The following EFEMP1 variants were observed in gnomAD, a reference collection of about 807,000 sequenced individuals.
EFEMP1 encodes EGF-like fibulin extracellular matrix protein 1.
In EFEMP1, 18 loss-of-function variants were observed where a neutral mutation model predicts 65.7. The ratio of observed to expected loss-of-function variants is 0.27; its 90% confidence interval spans 0.19 to 0.41. The LOEUF (loss-of-function observed/expected upper bound fraction) is 0.41. EFEMP1 is among the 10% of genes least tolerant of loss of function. The pLI is 1.00. For synonymous variants in EFEMP1, 237 were observed against 219.7 expected, an observed-to-expected ratio of 1.08 and a Z score of -0.70; for missense variants, 469 against 624.8, an observed-to-expected ratio of 0.75 and a Z score of 2.66.
At position 55,897,597 on chromosome 2, in the gene EFEMP1, A is replaced by G. The variant is rs184694940; in HGVS notation, c.518-15863T>C. Among the ~76,000 whole-genome samples, 3 of 152,336 alleles carry G rather than the reference A, an allele frequency of 2.0e-5. No homozygotes were observed. The East Asian group carries it at 5.8e-4, about 29-fold the overall frequency. ...AAAAAAGTCAAGACTTAGTGAAGTG[A>G]GATCGAAATCCAGTTAAAATTCTTT... On this transcript the variant is annotated intron_variant, in intron 5 of 11. Transcript: ENST00000355426.
At chr2:55,895,367 C>T (rs2104414992) in intron 5 of EFEMP1, among the ~76,000 whole-genome samples, 1 of 152,302 alleles carries the variant, frequency 6.6e-6, no homozygotes, top group East Asian at 1.9e-4. Flanking sequence ...ATCAGCCTGG[C>T]CACCTACTGC....
chr2:55,889,919 GA>G (rs1235155778), intron 5 of EFEMP1, among the ~76,000 whole-genome samples: 4 of 151,408 alleles, frequency 2.6e-5, no homozygotes, highest in Non-Finnish European at 5.9e-5. Flanking sequence ...AAAACAAAAG[GA>G]AACTAAAATG....
intron 3 of EFEMP1, among the ~76,000 whole-genome samples, chr2:55,920,229 A>G (rs115412521): frequency 0.02 from 2,994 of 152,310 alleles, 55 homozygotes; most frequent in South Asian, 0.097. Context: ...TCCTTCAAGA[A>G]CCAGCACAGA....
chr2:55,887,657 C>A (rs1027849397), intron 5 of EFEMP1, among the ~76,000 whole-genome samples: 1 of 152,142 alleles, frequency 6.6e-6, no homozygotes, highest in Admixed American at 6.5e-5. Flanking sequence ...CTGTCTTAAT[C>A]GATGGCCAGC....
At chr2:55,892,602 C>A (rs1669671724) in intron 5 of EFEMP1, among the ~76,000 whole-genome samples, 1 of 152,100 alleles carries the variant, frequency 6.6e-6, no homozygotes, top group Non-Finnish European at 1.5e-5. Flanking sequence ...AAATACACTA[C>A]TGTGTTCCTA....
chr2:55,900,605 C>A (rs1037455185), intron 5 of EFEMP1, among the ~76,000 whole-genome samples: 18 of 152,246 alleles, frequency 1.2e-4, no homozygotes, highest in Non-Finnish European at 2.4e-4. Flanking sequence ...ACCAAAAAAA[C>A]CCAAAACTTT....
intron 5 of EFEMP1, among the ~76,000 whole-genome samples, chr2:55,914,507 T>C (rs1184296499): frequency 6.6e-6 from 1 of 152,204 alleles, no homozygotes; most frequent in African/African-American, 2.4e-5. Flanking sequence ...AAATATCTAG[T>C]GGTATTATTT....
intron 5 of EFEMP1, among the ~76,000 whole-genome samples, chr2:55,887,989 G>A (rs1669485941): frequency 6.6e-6 from 1 of 152,188 alleles, no homozygotes; most frequent in South Asian, 2.1e-4. Context: ...GGACAACAGT[G>A]TTCATTTGCC....
chr2:55,874,273 C>G (rs530958549), intron 9 of EFEMP1, among the ~76,000 whole-genome samples: 1 of 150,334 alleles, frequency 6.7e-6, no homozygotes, highest in African/African-American at 2.4e-5. Context: ...AGTCCTTTCC[C>G]TGTTAAGAAA....
rs369629631 is a variant in EFEMP1 at position 55,881,615 on chromosome 2, C to T, written c.637G>A (p.Val213Ile). The stretch of plus-strand genomic sequence containing the variant: ...CTCACTGCACTGTGGTACTTACCTA[C>T]GCACTGCTCCCCTCGCTTCTGATAT... ...PGYQKRGEQC[V>I]DIDECTIPPY... Residue 213 changes from valine to isoleucine, a missense_variant, in exon 6 of 12, where the codon GTA becomes ATA. This residue lies in a region of EFEMP1 where 399 missense variants were observed against 528.2 expected (regional missense o/e 0.76). Coordinates refer to ENST00000355426, the MANE Select transcript of EFEMP1 (RefSeq NM_001039348.3). 40 of 1,613,628 alleles carry T rather than the reference C, an allele frequency of 2.5e-5. No individual in the cohort carries two copies. The African/African-American group carries it at 2.7e-4, about 11-fold the overall frequency.
Position 55,917,409 on chromosome 2 carries a change from A to G in EFEMP1, c.517+256T>C, listed in dbSNP as rs892745524. The stretch of plus-strand genomic sequence containing the variant: ...CATCGAGAAGTTTTAAAGGTTCCCA[A>G]GTGACTCTAAATATGGGCAGCTAGG... On this transcript the variant is annotated intron_variant, in intron 5 of 11. Transcript: ENST00000355426. The surrounding 1 kb of genome is among the most constrained non-coding windows in gnomAD (Gnocchi z 6.3). Among the ~76,000 whole-genome samples, 3 of 152,190 alleles carry G rather than the reference A, an allele frequency of 2.0e-5. No individual in the cohort carries two copies. The highest frequency in any genetic ancestry group is 7.2e-5 in the African/African-American group (3 of 41,442).
In EFEMP1 at chr2:55,922,195, G is replaced by A. The variant is rs989687592; in HGVS notation, c.81+165C>T. Reference sequence around the variant, plus strand: ...CAATGAACTTTTGAAAGGATCAAGGGGGCAATTTACAACGAATCTTAGATA... The same window carrying A: ...CAATGAACTTTTGAAAGGATCAAGGAGGCAATTTACAACGAATCTTAGATA... On this transcript the variant is annotated intron_variant, in intron 3 of 11. Coordinates refer to ENST00000355426, the MANE Select transcript of EFEMP1 (RefSeq NM_001039348.3). This position sits in a 1 kb window ranked among gnomAD's most constrained non-coding sequence, Gnocchi z 5.5. 1.0e-5 allele frequency: 7 copies of A among 694,520 alleles called. No individual in the cohort carries two copies. Among genetic ancestry groups the A allele is most frequent in the Non-Finnish European group, 1.8e-5 (7 of 392,348 alleles). The allele number at this position is 694,520 out of a possible 1,614,324, so 43.0% of individuals were successfully genotyped here. A position where few individuals can be genotyped will look rare whatever the true frequency, so the allele number is the denominator to read the frequency against.
chr2:55,903,626 G>A lies in EFEMP1; in HGVS notation c.517+14039C>T, dbSNP rs1018381677. On this transcript the variant is annotated intron_variant, in intron 5 of 11. Coordinates refer to ENST00000355426, the MANE Select transcript of EFEMP1 (RefSeq NM_001039348.3). ...ACTAATCTATAATGCATAACACACA[G>A]GAGATTCTAAAAAACATATTAAACA... 7.9e-5 allele frequency among the ~76,000 whole-genome samples: 12 copies of A among 152,070 alleles called. 1 individual carries two copies. The highest frequency in any genetic ancestry group is 5.9e-4 in the Admixed American group (9 of 15,276).
intron 5 of EFEMP1, among the ~76,000 whole-genome samples, chr2:55,898,842 G>T (rs1669931163): frequency 6.6e-6 from 1 of 152,136 alleles, no homozygotes; most frequent in South Asian, 2.1e-4. Flanking sequence ...GTGACACTGG[G>T]ACTGGGGTGG....
At chr2:55,896,454 C>G (rs545350050) in intron 5 of EFEMP1, among the ~76,000 whole-genome samples, 1 of 152,142 alleles carries the variant, frequency 6.6e-6, no homozygotes, top group Non-Finnish European at 1.5e-5. Context: ...TGGCCTGAAA[C>G]GATGCATTAC....
At chr2:55,878,779 A>G (rs184290163) in intron 6 of EFEMP1, among the ~76,000 whole-genome samples, 188 of 152,294 alleles carry the variant, frequency 1.2e-3, no homozygotes, top group African/African-American at 4.3e-3. Context: ...TGTTCTGGCA[A>G]TTACTAGCTT....
chr2:55,901,974 G>A (rs1017609088), intron 5 of EFEMP1, among the ~76,000 whole-genome samples: 1 of 152,158 alleles, frequency 6.6e-6, no homozygotes, highest in Non-Finnish European at 1.5e-5. Flanking sequence ...AGAAACAGAG[G>A]CAGGAAGTCA....
intron 5 of EFEMP1, among the ~76,000 whole-genome samples, chr2:55,916,317 C>G (rs999137371): frequency 3.9e-5 from 6 of 152,066 alleles, no homozygotes; most frequent in African/African-American, 1.4e-4. Flanking sequence ...GCCATGTTGG[C>G]CAGGCTGGTC....
intron 5 of EFEMP1, among the ~76,000 whole-genome samples, chr2:55,893,236 T>A (rs974070140): frequency 8.5e-5 from 13 of 152,190 alleles, no homozygotes; most frequent in Non-Finnish European, 1.6e-4. Context: ...TTTGAGATTG[T>A]ATCTTTCTGT....
Sources: allele counts gnomAD v4.1 joint callset (sites outside exome capture counted in the v4.1 genomes callset), GRCh38; gene constraint gnomAD v4.1.1; regional missense constraint gnomAD v4.1.1; non-coding constraint Gnocchi (gnomAD v3.1); transcripts MANE v1.5; gene names NCBI Gene and HGNC (gene_info 2026-07-23, HGNC 2026-07-21).